Variants in PDE7A observed in about 807,000 individuals in gnomAD.
The protein encoded by PDE7A is high affinity 3',5'-cyclic-AMP phosphodiesterase 7A.
Under a neutral mutation model 64.3 loss-of-function variants are expected in PDE7A, and 39 were observed. That is an observed-to-expected ratio of 0.61 (90% CI 0.47 to 0.79). PDE7A has a LOEUF of 0.79. Among genes scored for constraint, PDE7A ranks in the 30% least tolerant of loss-of-function variants. The probability of loss-of-function intolerance (pLI) is 0.00; values close to 1 mark genes in which losing one functional copy is unlikely to be tolerated. For missense variants in PDE7A, 470 were observed against 582.8 expected (o/e 0.81, Z 1.99); for synonymous variants, 203 against 206.8 (o/e 0.98, Z 0.16).
intron 7 of PDE7A, among the ~76,000 whole-genome samples, chr8:65,730,769 A>G (rs1806851646): frequency 6.6e-6 from 1 of 152,016 alleles, no homozygotes; most frequent in South Asian, 2.1e-4. Context: ...CTCTACTAAA[A>G]ACACAAAAAT....
chr8:65,809,227 A>T (rs1334134182), intron 1 of PDE7A, among the ~76,000 whole-genome samples: 1 of 152,210 alleles, frequency 6.6e-6, no homozygotes, highest in Non-Finnish European at 1.5e-5. Flanking sequence ...AGATGGTATC[A>T]TATGCCACTG....
At chr8:65,784,160 G>A (rs1294994143) in intron 1 of PDE7A, among the ~76,000 whole-genome samples, 1 of 152,100 alleles carries the variant, frequency 6.6e-6, no homozygotes, top group Non-Finnish European at 1.5e-5. Flanking sequence ...AGTGAGCTAG[G>A]ATGGCACCAC....
intron 3 of PDE7A, among the ~76,000 whole-genome samples, chr8:65,768,085 T>C (rs1049760896): frequency 2.0e-5 from 3 of 152,166 alleles, no homozygotes; most frequent in African/African-American, 7.2e-5. Flanking sequence ...CACCGCTTGG[T>C]GTGTTGGGAG....
intron 1 of PDE7A, among the ~76,000 whole-genome samples, chr8:65,785,214 A>G (rs549782632): frequency 6.6e-6 from 1 of 152,314 alleles, no homozygotes; most frequent in Non-Finnish European, 1.5e-5. Flanking sequence ...AATTCTAACT[A>G]TCACCACTGG....
At chr8:65,779,641 T>G in intron 3 of PDE7A, 79 bp downstream of exon 3, 1 of 743,240 alleles carries the variant, frequency 1.3e-6, no homozygotes. Context: ...TCTGGTATTC[T>G]TTTTCCCTTG....
chr8:65,776,042 C>T (rs1381663839), intron 3 of PDE7A, among the ~76,000 whole-genome samples: 1 of 152,186 alleles, frequency 6.6e-6, no homozygotes, highest in Non-Finnish European at 1.5e-5. Context: ...TTCCCCTACA[C>T]CATATCCACA....
In PDE7A at chr8:65,719,349, T is replaced by C. The variant is rs1277728505; in HGVS notation, c.1390A>G (p.Thr464Ala). The C allele has an allele frequency of 6.2e-7, 1 of 1,614,062 alleles. No homozygotes were observed. Among genetic ancestry groups the C allele is most frequent in the Admixed American group, 1.7e-5 (1 of 60,008 alleles). Reference protein sequence around the residue: ...LQREQSSSEDTDAAFELNSQL... With the variant: ...LQREQSSSEDADAAFELNSQL... ...GAGTTCAACTCAAATGCAGCATCAG[T>C]GTCCTCACTGCTCGACTGTTCTCTC... Residue 464 changes from threonine (T) to alanine (A), a missense_variant, in exon 13 of 13, where the codon ACT (threonine) becomes GCT (alanine). By Grantham distance (58) the Thr-to-Ala change is moderately conservative. Transcript: ENST00000401827.
In PDE7A at chr8:65,716,726, T is replaced by TTA; in HGVS notation, c.*2562_*2563dup. Among the ~76,000 whole-genome samples the TTA allele has an allele frequency of 6.6e-6, 1 of 152,298 alleles. No homozygotes were observed. The highest frequency in any genetic ancestry group is 1.9e-4 in the East Asian group (1 of 5,186). On this transcript the variant is annotated 3_prime_UTR_variant, in exon 13 of 13. Coordinates refer to ENST00000401827, the MANE Select transcript of PDE7A (RefSeq NM_001242318.3). ...AAAAAAATAGTTACTGTGAGCTTGG[T>TTA]TAATGTGGGTTTGCCATGATAGTTC... is the stretch of plus-strand genomic sequence containing the variant.
intron 2 of PDE7A, chr8:65,780,835 C>T (rs1809393429): frequency 6.6e-6 from 1 of 152,254 alleles, no homozygotes; most frequent in African/African-American, 2.4e-5. Flanking sequence ...AGAGGGCACT[C>T]CTGCTTACTC....
At chr8:65,795,624 T>C (rs1809818669) in intron 1 of PDE7A, among the ~76,000 whole-genome samples, 1 of 151,992 alleles carries the variant, frequency 6.6e-6, no homozygotes, top group Non-Finnish European at 1.5e-5. Context: ...AGAAATGCCA[T>C]ACCGTTAGGA....
At chr8:65,818,238 C>T (rs1259902774) in intron 1 of PDE7A, among the ~76,000 whole-genome samples, 6 of 152,076 alleles carry the variant, frequency 3.9e-5, no homozygotes, top group African/African-American at 1.4e-4. Flanking sequence ...CTCGTGTATG[C>T]GTCACCCTCT....
At chr8:65,831,728 C>A (rs1006573657) in intron 1 of PDE7A, among the ~76,000 whole-genome samples, 4 of 151,992 alleles carry the variant, frequency 2.6e-5, no homozygotes, top group Admixed American at 2.0e-4. Flanking sequence ...TATCTAAATA[C>A]CTTTCAAGCT....
chr8:65,827,762 T>C (rs533558439), intron 1 of PDE7A, among the ~76,000 whole-genome samples: 4 of 152,340 alleles, frequency 2.6e-5, no homozygotes, highest in South Asian at 2.1e-4. Context: ...CTAGAAGCAA[T>C]AGGCTATACC....
intron 1 of PDE7A, among the ~76,000 whole-genome samples, chr8:65,826,399 G>A (rs1810674936): frequency 6.6e-6 from 1 of 152,198 alleles, no homozygotes; most frequent in Non-Finnish European, 1.5e-5. Context: ...TCCTATGGAG[G>A]CTGGTTTCAA....
intron 2 of PDE7A, 128 bp downstream of exon 2, chr8:65,782,655 C>A: frequency 1.7e-6 from 1 of 600,872 alleles, no homozygotes; most frequent in Non-Finnish European, 3.0e-6. Flanking sequence ...AGACTCTAAA[C>A]TCCATGAATA....
chr8:65,840,559 G>A (rs916967594), intron 1 of PDE7A, among the ~76,000 whole-genome samples: 1 of 152,232 alleles, frequency 6.6e-6, no homozygotes, highest in South Asian at 2.1e-4. Flanking sequence ...AGCAGAAAGT[G>A]AGGGCACTCA....
intron 3 of PDE7A, among the ~76,000 whole-genome samples, chr8:65,771,998 ACT>A (rs767979255): frequency 9.8e-4 from 149 of 152,122 alleles, no homozygotes; most frequent in Non-Finnish European, 1.9e-3. Context: ...GTGATAAATG[ACT>A]GGTTCAAGGA....
At chr8:65,756,288 G>A (rs2128911462) in intron 3 of PDE7A, among the ~76,000 whole-genome samples, 1 of 152,288 alleles carries the variant, frequency 6.6e-6, no homozygotes, top group South Asian at 2.1e-4. Context: ...TCTTGGATGT[G>A]CATATTCATG....
chr8:65,776,053 T>C (rs1384225127), intron 3 of PDE7A, among the ~76,000 whole-genome samples: 2 of 152,142 alleles, frequency 1.3e-5, no homozygotes, highest in East Asian at 1.9e-4. Context: ...CATATCCACA[T>C]TGCTAAATCA....
Sources: allele counts gnomAD v4.1 joint callset (sites outside exome capture counted in the v4.1 genomes callset), GRCh38; gene constraint gnomAD v4.1.1; transcripts MANE v1.5; gene names NCBI Gene and HGNC (gene_info 2026-07-23, HGNC 2026-07-21).